The following SMAP2 variants were observed in gnomAD, a reference collection of about 807,000 sequenced individuals.
The protein encoded by SMAP2 is stromal membrane-associated protein 2.
In SMAP2, 25 loss-of-function variants were observed where a neutral mutation model predicts 56.4. That is an observed-to-expected ratio of 0.44 (90% CI 0.32 to 0.62). The LOEUF (loss-of-function observed/expected upper bound fraction) is 0.62. SMAP2 is among the 20% of genes least tolerant of loss of function. The pLI is 0.04. For missense variants in SMAP2, 388 were observed against 545.6 expected (o/e 0.71, Z 2.88); for synonymous variants, 157 against 181.7 (o/e 0.86, Z 1.09).
chr1:40,413,251 A>G, intron 5 of SMAP2, 149 bp downstream of exon 5: 2 of 672,862 alleles, frequency 3.0e-6, no homozygotes, highest in Non-Finnish European at 2.7e-6. Flanking sequence ...GCCTGCTATC[A>G]TTTCTGCTCT....
chr1:40,408,184 C>T lies in SMAP2; in HGVS notation c.238-469C>T, dbSNP rs753221992. Reference sequence around the variant, plus strand: ...GGAAATTATATGCCATGGAGATAGTCGGGAATTTGGAGATTTAAAAAGCTC... The same window carrying T: ...GGAAATTATATGCCATGGAGATAGTTGGGAATTTGGAGATTTAAAAAGCTC... On this transcript the variant is annotated intron_variant, in intron 2 of 9. Coordinates refer to ENST00000372718, the MANE Select transcript of SMAP2 (RefSeq NM_022733.3). This position sits in a 1 kb window ranked among gnomAD's most constrained non-coding sequence, Gnocchi z 4.3. Among the ~76,000 whole-genome samples, 1 of 152,096 alleles carries T rather than the reference C, an allele frequency of 6.6e-6. No homozygotes were observed. The highest frequency in any genetic ancestry group is 1.5e-5 in the Non-Finnish European group (1 of 68,016).
In SMAP2 at chr1:40,360,281, C is replaced by T. The variant is rs187567643; in HGVS notation, c.-82-2019C>T. On this transcript the variant is annotated intron_variant, in intron 1 of 6. Coordinates refer to the SMAP2 transcript ENST00000435168. ...TCGGCCTCCCAAAGTGCTGGGATTA[C>T]AGGCGTGAGCCACCGTGCCTGAGCT... Among the ~76,000 whole-genome samples, 300 of 150,046 alleles carry T rather than the reference C, an allele frequency of 2.0e-3. 2 individuals carry two copies. Among genetic ancestry groups the T allele is most frequent in the African/African-American group, 7.0e-3 (287 of 40,802 alleles).
chr1:40,360,585 G>A (rs1217235725), intron 1 of SMAP2, among the ~76,000 whole-genome samples: 1 of 152,214 alleles, frequency 6.6e-6, no homozygotes, highest in Admixed American at 6.5e-5. Context: ...TTACAGGCAT[G>A]AGCCACTGTG....
intron 1 of SMAP2, among the ~76,000 whole-genome samples, chr1:40,401,802 A>G (rs1381639685): frequency 6.6e-6 from 1 of 152,248 alleles, no homozygotes; most frequent in Non-Finnish European, 1.5e-5. Context: ...GTCAAAATAC[A>G]TGCAACAGGT....
chr1:40,383,567 C>G (rs927418052), intron 1 of SMAP2, among the ~76,000 whole-genome samples: 1 of 152,174 alleles, frequency 6.6e-6, no homozygotes, highest in East Asian at 1.9e-4. Flanking sequence ...TTGCGTGCTT[C>G]TAAAGGATCT....
chr1:40,387,420 T>G (rs1352427266), intron 1 of SMAP2, among the ~76,000 whole-genome samples: 1 of 152,192 alleles, frequency 6.6e-6, no homozygotes, highest in Non-Finnish European at 1.5e-5. Context: ...TGTGTTCAGA[T>G]TTGAGTAGTC....
intron 1 of SMAP2, among the ~76,000 whole-genome samples, chr1:40,399,778 A>C (rs1252710292): frequency 6.6e-6 from 1 of 152,106 alleles, no homozygotes; most frequent in African/African-American, 2.4e-5. Context: ...CCTTTAAAAA[A>C]AAAGTCCTTA....
rs566708606 is a variant in SMAP2, at chr1:40,387,719, C to T, written c.103+13496C>T. ...AGCCCTCACAGCCCTCGCTCGCTCTCGGTGCCTCCTCGGCCTTGGCACCCA... is the reference window on the plus strand; with the variant it reads ...AGCCCTCACAGCCCTCGCTCGCTCTTGGTGCCTCCTCGGCCTTGGCACCCA... On this transcript the variant is annotated intron_variant, in intron 1 of 9. Transcript: ENST00000372718. Among the ~76,000 whole-genome samples the T allele has an allele frequency of 2.6e-5, 4 of 152,320 alleles. No homozygotes were observed. The South Asian group carries it at 6.2e-4, about 24-fold the overall frequency.
In SMAP2 at chr1:40,373,970, A is replaced by C; in HGVS notation, c.-151A>C. 1.7e-5 allele frequency: 10 copies of C among 586,296 alleles called. No homozygotes were observed. The highest frequency in any genetic ancestry group is 6.1e-5 in the East Asian group (2 of 32,810). The allele number at this position is 586,296 out of a possible 1,614,324, so 36.3% of individuals were successfully genotyped here. On this transcript the variant is annotated 5_prime_UTR_variant, in exon 1 of 10. Coordinates refer to ENST00000372718, the MANE Select transcript of SMAP2 (RefSeq NM_022733.3). The stretch of plus-strand genomic sequence containing the variant: ...GGGGACGGACGCCCCCGACCCGGGA[A>C]GGGGCGTCCGGCGGGGCCGGAGGAG...
At chr1:40,401,742 C>G (rs1331989150) in intron 1 of SMAP2, among the ~76,000 whole-genome samples, 1 of 152,146 alleles carries the variant, frequency 6.6e-6, no homozygotes, top group Non-Finnish European at 1.5e-5. Context: ...TTGGATATTA[C>G]GTATATGCTT....
At chr1:40,393,026 C>T (rs190442318) in intron 1 of SMAP2, among the ~76,000 whole-genome samples, 3 of 150,614 alleles carry the variant, frequency 2.0e-5, no homozygotes, top group African/African-American at 7.3e-5. Flanking sequence ...AGCTTGAACC[C>T]GGGAGGCGGA....
intron 1 of SMAP2, among the ~76,000 whole-genome samples, chr1:40,396,047 C>T (rs983288067): frequency 3.3e-5 from 5 of 152,186 alleles, no homozygotes; most frequent in Admixed American, 6.5e-5. Context: ...TCTGTTCTAT[C>T]ATTGAGCTCC....
chr1:40,349,681 G>A (rs1644402509), intron 1 of SMAP2, among the ~76,000 whole-genome samples: 1 of 152,052 alleles, frequency 6.6e-6, no homozygotes, highest in Non-Finnish European at 1.5e-5. Flanking sequence ...ACCACATCCA[G>A]CTAATTTTTT....
At chr1:40,403,876 A>C (rs1307035802) in intron 1 of SMAP2, 1 of 154,300 alleles carries the variant, frequency 6.5e-6, no homozygotes, top group Non-Finnish European at 1.4e-5. Context: ...AGGCGAGAGG[A>C]TTCCTTGAGG....
At chr1:40,371,808 TATTACA>T (rs1644497574), upstream of SMAP2, among the ~76,000 whole-genome samples, 2 of 152,218 alleles carry the variant, frequency 1.3e-5, no homozygotes, top group Non-Finnish European at 2.9e-5. Flanking sequence ...GTTCTAATTA[TATTACA>T]GGCATTATCT....
At chr1:40,411,800 C>T (rs1429555329) in intron 4 of SMAP2, among the ~76,000 whole-genome samples, 1 of 152,060 alleles carries the variant, frequency 6.6e-6, no homozygotes, top group Non-Finnish European at 1.5e-5. Context: ...ATGAGAAAAA[C>T]AGCTGCATGT....
At chr1:40,372,547 A>G (rs1379099211), upstream of SMAP2, among the ~76,000 whole-genome samples, 1 of 152,212 alleles carries the variant, frequency 6.6e-6, no homozygotes, top group Non-Finnish European at 1.5e-5. Flanking sequence ...TGTGTTTTTA[A>G]AAGTCAAGTC....
rs958215302 is a variant in SMAP2 at position 40,403,435 on chromosome 1, A to G, written c.104-3301A>G. On this transcript the variant is annotated intron_variant, in intron 1 of 9. Coordinates refer to ENST00000372718, the MANE Select transcript of SMAP2 (RefSeq NM_022733.3). ...CACGAGAGTTGCTTGCACCTAGGAGACGGAGGTTGCAGTGAGCCAAAATCA... is the reference window on the plus strand; with the variant it reads ...CACGAGAGTTGCTTGCACCTAGGAGGCGGAGGTTGCAGTGAGCCAAAATCA... 9.9e-5 allele frequency among the ~76,000 whole-genome samples: 15 copies of G among 152,120 alleles called. 1 individual carries two copies. Among genetic ancestry groups the G allele is most frequent in the East Asian group, 5.8e-4 (3 of 5,164 alleles).
intron 1 of SMAP2, among the ~76,000 whole-genome samples, chr1:40,388,358 G>A (rs1304678225): frequency 6.6e-6 from 1 of 152,228 alleles, no homozygotes; most frequent in Non-Finnish European, 1.5e-5. Flanking sequence ...CTAGCTCAGG[G>A]ATTGTAAATA....
Sources: allele counts gnomAD v4.1 joint callset (sites outside exome capture counted in the v4.1 genomes callset), GRCh38; gene constraint gnomAD v4.1.1; non-coding constraint Gnocchi (gnomAD v3.1); transcripts MANE v1.5; gene names NCBI Gene and HGNC (gene_info 2026-07-23, HGNC 2026-07-21).